UNC5D: variants seen among roughly 807,000 people sequenced by gnomAD.
UNC5D encodes unc-5 netrin receptor D.
In UNC5D, 39 loss-of-function variants were observed where a neutral mutation model predicts 105.4. The observed-to-expected ratio is 0.37, with a 90% CI of 0.29 to 0.48. UNC5D has a LOEUF of 0.48. UNC5D is among the 20% of genes least tolerant of loss of function. The probability of loss-of-function intolerance (pLI) is 0.98; values close to 1 mark genes in which losing one functional copy is unlikely to be tolerated. For synonymous variants in UNC5D, 452 were observed against 450.4 expected, an observed-to-expected ratio of 1.00 and a Z score of -0.04; for missense variants, 991 against 1,202.4, an observed-to-expected ratio of 0.82 and a Z score of 2.60.
At chr8:35,262,954 A>T (rs1804589754) in intron 1 of UNC5D, among the ~76,000 whole-genome samples, 2 of 152,194 alleles carry the variant, frequency 1.3e-5, no homozygotes, top group Admixed American at 6.5e-5. Context: ...AAGCAACAGT[A>T]GTTCCTTATT....
intron 1 of UNC5D, among the ~76,000 whole-genome samples, chr8:35,428,932 A>C (rs983435699): frequency 6.6e-6 from 1 of 152,068 alleles, no homozygotes; most frequent in African/African-American, 2.4e-5. Context: ...GACAATTCAC[A>C]AAGAAATCTA....
At chr8:35,776,543 A>AC (rs1215239217) in intron 16 of UNC5D, among the ~76,000 whole-genome samples, 1 of 152,226 alleles carries the variant, frequency 6.6e-6, no homozygotes, top group African/African-American at 2.4e-5. Flanking sequence ...ACTAATGAGC[A>AC]GTCAGTGGCT....
intron 1 of UNC5D, among the ~76,000 whole-genome samples, chr8:35,371,667 G>GA (rs967561085): frequency 1.1e-4 from 17 of 151,390 alleles, no homozygotes; most frequent in East Asian, 5.8e-4. Flanking sequence ...AGACTCACAG[G>GA]AAAAAAAAAT....
intron 1 of UNC5D, among the ~76,000 whole-genome samples, chr8:35,295,771 G>C (rs1171137773): frequency 2.0e-5 from 3 of 152,110 alleles, no homozygotes; most frequent in Non-Finnish European, 4.4e-5. Context: ...ATGTACATTA[G>C]CTCTCCAGAA....
chr8:35,586,406 C>A lies in UNC5D; in HGVS notation c.467-9148C>A, dbSNP rs148291731. Among the ~76,000 whole-genome samples, 1,044 of 152,012 alleles carry A rather than the reference C, an allele frequency of 6.9e-3. 12 individuals are homozygous for A. The highest frequency in any genetic ancestry group is 0.024 in the African/African-American group (987 of 41,350). On this transcript the variant is annotated intron_variant, in intron 3 of 16. Coordinates refer to ENST00000404895, the MANE Select transcript of UNC5D (RefSeq NM_080872.4). ...AGGAAAAAATTCACCTAACAGAAAG[C>A]CTTTTATGTGCCTTCCCTCGGGAAC...
intron 3 of UNC5D, among the ~76,000 whole-genome samples, chr8:35,586,670 C>T (rs1818815393): frequency 6.6e-6 from 1 of 152,072 alleles, no homozygotes; most frequent in Admixed American, 6.6e-5. Flanking sequence ...AGATTCAAAG[C>T]CTATTTGAAT....
At chr8:35,658,678 G>C (rs1316928179) in intron 4 of UNC5D, among the ~76,000 whole-genome samples, 1 of 126,806 alleles carries the variant, frequency 7.9e-6, no homozygotes, top group Non-Finnish European at 1.6e-5. Flanking sequence ...TGGAGATGGA[G>C]TCTCACTCTG....
intron 1 of UNC5D, among the ~76,000 whole-genome samples, chr8:35,330,723 G>T (rs1057008992): frequency 6.6e-6 from 1 of 152,178 alleles, no homozygotes; most frequent in Non-Finnish European, 1.5e-5. Flanking sequence ...TTACCATAGA[G>T]TGGCATAGCT....
chr8:35,423,856 T>C (rs1806073117), intron 1 of UNC5D, among the ~76,000 whole-genome samples: 1 of 151,380 alleles, frequency 6.6e-6, no homozygotes, highest in African/African-American at 2.4e-5. Context: ...GGAGTACTTT[T>C]TTTTTTTTTT....
intron 1 of UNC5D, among the ~76,000 whole-genome samples, chr8:35,325,723 G>C (rs1254417606): frequency 6.6e-6 from 1 of 152,174 alleles, no homozygotes; most frequent in East Asian, 1.9e-4. Context: ...AAGACTTCAA[G>C]GAAGGCATGA....
At chr8:35,275,965 A>T (rs1157714805) in intron 1 of UNC5D, among the ~76,000 whole-genome samples, 1 of 152,192 alleles carries the variant, frequency 6.6e-6, no homozygotes, top group African/African-American at 2.4e-5. Context: ...CCATGTACTG[A>T]GTCCATTGTT....
chr8:35,258,519 C>T (rs77146725), intron 1 of UNC5D, among the ~76,000 whole-genome samples: 85 of 152,228 alleles, frequency 5.6e-4, no homozygotes, highest in African/African-American at 2.0e-3. Context: ...TCTGTGTTTC[C>T]GTCTCCTCAT....
At position 35,574,900 on chromosome 8, in the gene UNC5D, C is replaced by G. The variant is rs1174873878; in HGVS notation, c.466+6659C>G. ...TTTTTTTTTATCCTTGGAACATATT[C>G]TGTGGCCCATCTCACACTCCAATCT... On this transcript the variant is annotated intron_variant, in intron 3 of 16. Transcript: ENST00000404895. Among the ~76,000 whole-genome samples, 4 of 151,928 alleles carry G rather than the reference C, an allele frequency of 2.6e-5. No individual in the cohort carries two copies. In the East Asian group the frequency reaches 7.7e-4, roughly 29 times the overall value.
chr8:35,703,185 A>ATT (rs199566012), intron 7 of UNC5D, among the ~76,000 whole-genome samples: 1 of 145,238 alleles, frequency 6.9e-6, no homozygotes, highest in African/African-American at 2.5e-5. Flanking sequence ...ACAAATAGGC[A>ATT]TTTTTTTTTT....
chr8:35,623,083 C>G (rs577831139), intron 4 of UNC5D, among the ~76,000 whole-genome samples: 17 of 152,270 alleles, frequency 1.1e-4, no homozygotes, highest in Admixed American at 2.0e-4. Context: ...ACTAATGGAT[C>G]CCAGCTCCTA....
intron 1 of UNC5D, chr8:35,525,554 A>G (rs942135243): frequency 2.4e-5 from 39 of 1,612,578 alleles, no homozygotes; most frequent in African/African-American, 5.3e-5. Flanking sequence ...CTGTTCGGTC[A>G]TTAATTATTT....
chr8:35,376,667 C>T (rs955049003), intron 1 of UNC5D, among the ~76,000 whole-genome samples: 3 of 152,132 alleles, frequency 2.0e-5, no homozygotes, highest in Non-Finnish European at 4.4e-5. Context: ...GATGTCACTC[C>T]CCAACTTGAA....
intron 13 of UNC5D, among the ~76,000 whole-genome samples, chr8:35,753,818 T>TA (rs1830395649): frequency 6.6e-6 from 1 of 152,316 alleles, no homozygotes; most frequent in Admixed American, 6.5e-5. Context: ...CTGGCCCACA[T>TA]ATGGATTAAA....
At chr8:35,619,075 T>C (rs1293346471) in intron 4 of UNC5D, among the ~76,000 whole-genome samples, 1 of 152,180 alleles carries the variant, frequency 6.6e-6, no homozygotes, top group Non-Finnish European at 1.5e-5. Context: ...GATACAGTAA[T>C]AAATGAGACA....
Sources: allele counts gnomAD v4.1 joint callset (sites outside exome capture counted in the v4.1 genomes callset), GRCh38; gene constraint gnomAD v4.1.1; transcripts MANE v1.5; gene names NCBI Gene and HGNC (gene_info 2026-07-23, HGNC 2026-07-21).